The following ELP4 variants were observed in gnomAD, a reference collection of about 807,000 sequenced individuals.
ELP4 encodes the protein elongator acetyltransferase complex subunit 4, also known as elongator complex protein 4.
ELP4 carries 51 observed loss-of-function variants against 48.9 expected under a neutral mutation model. The observed-to-expected ratio is 1.04, with a 90% CI of 0.83 to 1.32. The LOEUF is 1.32. Among genes scored for constraint, ELP4 ranks in the 40% most tolerant of loss-of-function variants. ELP4 has a pLI of 0.00. For missense variants in ELP4, 519 were observed against 514.6 expected (o/e 1.01, Z -0.08); for synonymous variants, 210 against 189.2 (o/e 1.11, Z -0.90).
Position 31,789,817 on chromosome 11 carries a change from T to TG in ELP4, c.*6294dup, listed in dbSNP as rs1949169503. 1 of 899,874 alleles carries TG rather than the reference T, an allele frequency of 1.1e-6. No individual in the cohort carries two copies. The highest frequency in any genetic ancestry group is 2.6e-5 in the East Asian group (1 of 38,038). The allele number at this position is 899,874 out of a possible 1,614,324, so 55.7% of individuals were successfully genotyped here. A position where few individuals can be genotyped will look rare whatever the true frequency, so the allele number is the denominator to read the frequency against. On this transcript the variant is annotated 3_prime_UTR_variant, in exon 10 of 10. Coordinates refer to ENST00000640961, the MANE Select transcript of ELP4 (RefSeq NM_019040.5). ...ACAATACAGGACACAATTGTAGAAC[T>TG]GAAGCGGCTCTAACAGCCATTTTTC...
intron 9 of ELP4, among the ~76,000 whole-genome samples, chr11:31,678,521 G>A (rs1224546801): frequency 7.3e-6 from 1 of 136,554 alleles, no homozygotes; most frequent in African/African-American, 3.0e-5. Context: ...GTGTGTGTGT[G>A]TGTGTGTGTG....
intron 3 of ELP4, among the ~76,000 whole-genome samples, chr11:31,557,283 G>A (rs1233871652): frequency 1.3e-5 from 2 of 151,782 alleles, no homozygotes; most frequent in Non-Finnish European, 3.0e-5. Flanking sequence ...GAACTCATTT[G>A]TTAGGATCTG....
intron 3 of ELP4, among the ~76,000 whole-genome samples, chr11:31,579,832 G>A (rs1037125502): frequency 6.6e-6 from 1 of 151,948 alleles, no homozygotes; most frequent in African/African-American, 2.4e-5. Flanking sequence ...TATACCTAAT[G>A]TGAATGACGA....
chr11:31,662,443 C>T (rs1025103966), intron 9 of ELP4: 4 of 394,784 alleles, frequency 1.0e-5, no homozygotes, highest in African/African-American at 6.2e-5. Flanking sequence ...AAATCCAGCT[C>T]CATGTTGTTG....
intron 9 of ELP4, among the ~76,000 whole-genome samples, chr11:31,761,344 A>T (rs1399748319): frequency 1.3e-5 from 2 of 152,112 alleles, no homozygotes; most frequent in East Asian, 3.9e-4. Flanking sequence ...TCTCAAAAAA[A>T]AAAAAAAGCC....
chr11:31,524,302 C>T (rs1956262021), intron 2 of ELP4, among the ~76,000 whole-genome samples: 1 of 152,200 alleles, frequency 6.6e-6, no homozygotes, highest in African/African-American at 2.4e-5. Context: ...CATCTGAAGG[C>T]TTGACAAGGG....
intron 9 of ELP4, among the ~76,000 whole-genome samples, chr11:31,742,880 G>T (rs894951282): frequency 5.3e-5 from 8 of 152,090 alleles, no homozygotes; most frequent in Non-Finnish European, 1.0e-4. Flanking sequence ...ATAATGACAG[G>T]ATCAAATTCA....
chr11:31,711,347 C>G (rs1026922210), intron 9 of ELP4, among the ~76,000 whole-genome samples: 1 of 152,084 alleles, frequency 6.6e-6, no homozygotes, highest in Non-Finnish European at 1.5e-5. Flanking sequence ...CAAAAGTGGT[C>G]TGACGGCTTC....
Position 31,595,790 on chromosome 11 carries a change from T to C in ELP4, c.513+889T>C, listed in dbSNP as rs545983501. On this transcript the variant is annotated intron_variant, in intron 4 of 9. Transcript: ENST00000640961. The stretch of plus-strand genomic sequence containing the variant: ...CCGCTACCACTAATGAAAGTTAGTA[T>C]ATGGGATCAAACCTGTTTGATATTA... Among the ~76,000 whole-genome samples the C allele has an allele frequency of 5.3e-5, 8 of 152,292 alleles. No homozygotes were observed. In the East Asian group the frequency reaches 1.5e-3, roughly 29 times the overall value.
At chr11:31,601,437 A>C (rs1957780421) in intron 4 of ELP4, among the ~76,000 whole-genome samples, 1 of 152,122 alleles carries the variant, frequency 6.6e-6, no homozygotes, top group Non-Finnish European at 1.5e-5. Context: ...AAATAAATTA[A>C]TAACAATTAT....
chr11:31,703,663 G>T (rs1213106945), intron 9 of ELP4, among the ~76,000 whole-genome samples: 1 of 152,132 alleles, frequency 6.6e-6, no homozygotes, highest in East Asian at 1.9e-4. Context: ...CCTTAGTTGT[G>T]ATTATCCAGC....
intron 9 of ELP4, among the ~76,000 whole-genome samples, chr11:31,751,882 TTTACAATA>T (rs2134239744): frequency 6.6e-6 from 1 of 152,228 alleles, no homozygotes; most frequent in South Asian, 2.1e-4. Flanking sequence ...AATGCTACCC[TTTACAATA>T]TGCCAGATCT....
chr11:31,627,059 T>C, intron 5 of ELP4, 51 bp from the exon 6 acceptor site: 1 of 994,012 alleles, frequency 1.0e-6, no homozygotes. Context: ...GATTGTGTAC[T>C]TCTTATGTAA....
intron 9 of ELP4, among the ~76,000 whole-genome samples, chr11:31,712,625 C>T (rs958095217): frequency 6.6e-6 from 1 of 151,964 alleles, no homozygotes; most frequent in Non-Finnish European, 1.5e-5. Context: ...ATACAATTTT[C>T]ATTTTTAAGA....
intron 5 of ELP4, among the ~76,000 whole-genome samples, chr11:31,610,852 G>A (rs138939377): frequency 9.2e-4 from 140 of 152,132 alleles, no homozygotes; most frequent in Non-Finnish European, 1.8e-3. Context: ...CCTAATCTCA[G>A]TCATCTCCTC....
At position 31,601,328 on chromosome 11, in the gene ELP4, T is replaced by A. The variant is rs531767052; in HGVS notation, c.514-2440T>A. On this transcript the variant is annotated intron_variant, in intron 4 of 9. Coordinates refer to ENST00000640961, the MANE Select transcript of ELP4 (RefSeq NM_019040.5). Reference sequence around the variant, plus strand: ...TTTTCCTGTAAGAATATATTTTTATTTTCATTGTTAATTGAAAAGATTAAA... The same window carrying A: ...TTTTCCTGTAAGAATATATTTTTATATTCATTGTTAATTGAAAAGATTAAA... 2.1e-4 allele frequency among the ~76,000 whole-genome samples: 32 copies of A among 152,244 alleles called. No individual in the cohort carries two copies. The East Asian group carries it at 6.2e-3, about 29-fold the overall frequency.
chr11:31,579,130 G>A (rs2133968941), intron 3 of ELP4, among the ~76,000 whole-genome samples: 1 of 152,300 alleles, frequency 6.6e-6, no homozygotes, highest in South Asian at 2.1e-4. Context: ...CAAAGGATAT[G>A]GACAGACACC....
chr11:31,637,553 C>T (rs61295527), intron 7 of ELP4, among the ~76,000 whole-genome samples: 1 of 151,878 alleles, frequency 6.6e-6, no homozygotes, highest in Non-Finnish European at 1.5e-5. Flanking sequence ...TGCTGCTTGT[C>T]CCCCTTTTAC....
At position 31,509,795 on chromosome 11, in the gene ELP4, T is replaced by G; in HGVS notation, c.11T>G (p.Val4Gly). 1 of 1,614,078 alleles carries G rather than the reference T, an allele frequency of 6.2e-7. No homozygotes were observed. Among genetic ancestry groups the G allele is most frequent in the South Asian group, 1.1e-5 (1 of 91,068 alleles). MAA[V>G]ATCGSVAAST... ...ACTGGAGGCTCTAAGATGGCGGCAG[T>G]GGCAACCTGCGGTAGTGTTGCCGCG... The change falls in exon 1 of 10, where the codon GTG (valine) becomes GGG (glycine). Residue 4 changes from valine (V) to glycine (G), a missense_variant. By Grantham distance (109) the Val-to-Gly change is moderately radical (BLOSUM62 -3). Transcript: ENST00000640961.
Sources: gnomAD v4.1 joint callset for allele counts (sites outside exome capture counted in the v4.1 genomes callset) on GRCh38, gnomAD v4.1.1 for gene constraint, MANE v1.5 for transcripts, NCBI Gene and HGNC (gene_info 2026-07-23, HGNC 2026-07-21) for gene names.